The following PKN2 variants were observed in gnomAD, a reference collection of about 807,000 sequenced individuals.
PKN2 encodes the protein protein kinase N2.
In PKN2, 38 loss-of-function variants were observed where a neutral mutation model predicts 119.1. That is an observed-to-expected ratio of 0.32 (90% confidence interval 0.25 to 0.42). The LOEUF (loss-of-function observed/expected upper bound fraction) is 0.42, where lower values mean the gene tolerates loss of function less well. Among genes scored for constraint, PKN2 ranks in the 10% least tolerant of loss-of-function variants. PKN2 has a pLI of 1.00. For synonymous variants in PKN2, 390 were observed against 384.9 expected (o/e 1.01, Z -0.15); for missense variants, 850 against 1,165.1 (o/e 0.73, Z 3.94).
chr1:88,777,136 C>T (rs761217817), intron 6 of PKN2, among the ~76,000 whole-genome samples: 3 of 152,136 alleles, frequency 2.0e-5, no homozygotes, highest in African/African-American at 7.2e-5. Flanking sequence ...TGCAATTGAT[C>T]TACCTTCAAA....
chr1:88,791,096 G>A, intron 8 of PKN2, among the ~76,000 whole-genome samples: 1 of 152,074 alleles, frequency 6.6e-6, no homozygotes, highest in Non-Finnish European at 1.5e-5. Flanking sequence ...GCAAATGTGT[G>A]GCCATCCATG....
intron 1 of PKN2, among the ~76,000 whole-genome samples, chr1:88,732,215 T>C (rs1668168471): frequency 6.6e-6 from 1 of 152,186 alleles, no homozygotes; most frequent in African/African-American, 2.4e-5. Flanking sequence ...CTTTTGGTTC[T>C]TTTGGTTTCT....
intron 1 of PKN2, among the ~76,000 whole-genome samples, chr1:88,687,864 TATAAG>T (rs1456350041): frequency 6.6e-6 from 1 of 152,220 alleles, no homozygotes; most frequent in African/African-American, 2.4e-5. Context: ...AGAAGATAAT[TATAAG>T]AGACTACAAA....
intron 1 of PKN2, chr1:88,684,839 A>C (rs950310120): frequency 2.8e-5 from 14 of 499,078 alleles, no homozygotes; most frequent in Non-Finnish European, 4.6e-5. Flanking sequence ...CTGGCCTGCC[A>C]CCGCTTTGGT....
intron 3 of PKN2, among the ~76,000 whole-genome samples, chr1:88,761,769 ATTTAC>A (rs1248733631): frequency 6.6e-6 from 1 of 152,038 alleles, no homozygotes; most frequent in African/African-American, 2.4e-5. Context: ...ATTTGTTCCT[ATTTAC>A]TTATGATGTG....
chr1:88,774,195 A>T (rs574604882), intron 6 of PKN2, among the ~76,000 whole-genome samples: 1 of 152,330 alleles, frequency 6.6e-6, no homozygotes, highest in Admixed American at 6.5e-5. Flanking sequence ...CACCCTCCTA[A>T]CACATCAATG....
At chr1:88,712,059 T>C (rs1001459517) in intron 1 of PKN2, among the ~76,000 whole-genome samples, 3 of 152,178 alleles carry the variant, frequency 2.0e-5, no homozygotes, top group African/African-American at 7.2e-5. Flanking sequence ...ACTTTAGTGA[T>C]ACATTATTGG....
chr1:88,760,306 T>C lies in PKN2; in HGVS notation c.434T>C (p.Leu145Ser). The C allele has an allele frequency of 6.4e-7, 1 of 1,563,994 alleles. No homozygotes were observed. Among genetic ancestry groups the C allele is most frequent in the Non-Finnish European group, 8.8e-7 (1 of 1,135,964 alleles). Residue 145 changes from leucine (L) to serine (S), a missense_variant, in exon 3 of 22, where the codon TTG becomes TCG. Leu to Ser is a moderately radical substitution (Grantham distance 145). Transcript: ENST00000370521. Reference protein sequence around the residue: ...NNRLKALQKQLDIELKVKQGA... With the variant: ...NNRLKALQKQSDIELKVKQGA... ...AGATTGAAGGCCTTACAAAAACAAT[T>C]GGATATAGAACTTAAAGTAAAACAA... is the stretch of plus-strand genomic sequence containing the variant.
At chr1:88,722,223 A>T (rs1488355254) in intron 1 of PKN2, among the ~76,000 whole-genome samples, 1 of 152,082 alleles carries the variant, frequency 6.6e-6, no homozygotes, top group African/African-American at 2.4e-5. Flanking sequence ...AATCATTAAG[A>T]GGACAATTAT....
intron 1 of PKN2, among the ~76,000 whole-genome samples, chr1:88,739,653 A>G (rs1233875841): frequency 1.3e-5 from 2 of 152,212 alleles, no homozygotes; most frequent in Non-Finnish European, 2.9e-5. Context: ...GGTAACCATT[A>G]TCTTTGGTTT....
intron 6 of PKN2, among the ~76,000 whole-genome samples, chr1:88,781,407 CTGAATTAG>C (rs1670337504): frequency 1.3e-5 from 2 of 151,920 alleles, no homozygotes; most frequent in South Asian, 4.1e-4. Context: ...TGATGAAATA[CTGAATTAG>C]TGAAATAGGT....
chr1:88,801,447 C>T (rs1055000058), intron 8 of PKN2, among the ~76,000 whole-genome samples: 1 of 152,110 alleles, frequency 6.6e-6, no homozygotes, highest in African/African-American at 2.4e-5. Context: ...TATGCAGAAG[C>T]TTCAGTCTAT....
intron 8 of PKN2, among the ~76,000 whole-genome samples, chr1:88,792,229 ACC>A (rs1488346617): frequency 6.6e-6 from 1 of 152,034 alleles, no homozygotes; most frequent in African/African-American, 2.4e-5. Context: ...ATATGGAGAA[ACC>A]CCGTCTCTAC....
rs184959864 is a variant in PKN2, at chr1:88,834,403, G to C, written c.*955G>C. On this transcript the variant is annotated 3_prime_UTR_variant, in exon 22 of 22. Transcript: ENST00000370521. ...CCGTAGGGATTATCATTGTATACAT[G>C]CTGTGAACATGTATATGTGCAAGTT... 6.6e-6 allele frequency: 1 copy of C among 152,402 alleles called. No individual in the cohort carries two copies. The highest frequency in any genetic ancestry group is 1.5e-5 in the Non-Finnish European group (1 of 67,944). The allele number at this position is 152,402 out of a possible 1,614,324, so 9.4% of individuals were successfully genotyped here.
intron 1 of PKN2, among the ~76,000 whole-genome samples, chr1:88,696,992 A>C (rs1215266900): frequency 6.6e-6 from 1 of 152,152 alleles, no homozygotes; most frequent in Non-Finnish European, 1.5e-5. Flanking sequence ...ACAGCATTTG[A>C]CAAATTGGAC....
intron 6 of PKN2, among the ~76,000 whole-genome samples, chr1:88,775,671 C>CT (rs969606905): frequency 6.6e-6 from 1 of 152,146 alleles, no homozygotes; most frequent in South Asian, 2.1e-4. Flanking sequence ...ACAAAAAACT[C>CT]TTTGACTGTG....
At chr1:88,817,547 A>G (rs1334695548) in intron 16 of PKN2, among the ~76,000 whole-genome samples, 1 of 151,970 alleles carries the variant, frequency 6.6e-6, no homozygotes, top group Non-Finnish European at 1.5e-5. Context: ...CTCTACTAAA[A>G]ACACAAAAAA....
chr1:88,789,636 C>T (rs957280645), intron 8 of PKN2, among the ~76,000 whole-genome samples: 1 of 150,976 alleles, frequency 6.6e-6, no homozygotes, highest in African/African-American at 2.4e-5. Flanking sequence ...GCACTCCAGC[C>T]TGGGCGACAG....
At chr1:88,774,157 A>C (rs1460394785) in intron 6 of PKN2, among the ~76,000 whole-genome samples, 2 of 152,238 alleles carry the variant, frequency 1.3e-5, no homozygotes, top group Non-Finnish European at 2.9e-5. Flanking sequence ...GATCTCAAAC[A>C]CAAACCTTAT....
Sources: gnomAD v4.1 joint callset for allele counts (sites outside exome capture counted in the v4.1 genomes callset) on GRCh38, gnomAD v4.1.1 for gene constraint, MANE v1.5 for transcripts, NCBI Gene and HGNC (gene_info 2026-07-23, HGNC 2026-07-21) for gene names.